APOLD1: variants seen among roughly 807,000 people sequenced by gnomAD.
The protein encoded by APOLD1 is apolipoprotein L domain containing 1.
Under a neutral mutation model 15.3 loss-of-function variants are expected in APOLD1, and 22 were observed. That is an observed-to-expected ratio of 1.44 (90% CI 1.03 to 2.05). APOLD1 has a LOEUF of 2.05. Among genes scored for constraint, APOLD1 ranks in the 30% most tolerant of loss-of-function variants. The pLI, the probability that APOLD1 is intolerant of heterozygous loss-of-function variation, is 0.00. For synonymous variants in APOLD1, 190 were observed against 167.4 expected, an observed-to-expected ratio of 1.13 and a Z score of -1.04; for missense variants, 394 against 353.5, an observed-to-expected ratio of 1.11 and a Z score of -0.92.
chr12:12,726,273 A>T (rs535780921), intron 1 of APOLD1: 166 of 718,606 alleles, frequency 2.3e-4, no homozygotes, highest in African/African-American at 1.5e-3. Context: ...ATTAAATTTT[A>T]AAAAAGTTTT....
chr12:12,786,694 A>G (rs1947127177), intron 1 of APOLD1: 1 of 985,260 alleles, frequency 1.0e-6, no homozygotes, highest in African/African-American at 1.7e-5. Context: ...ATATGCAGAG[A>G]TAAGGTCCTG....
intron 1 of APOLD1, among the ~76,000 whole-genome samples, chr12:12,774,622 T>C (rs1465306933): frequency 7.6e-6 from 1 of 131,764 alleles, no homozygotes; most frequent in African/African-American, 2.8e-5. Flanking sequence ...ACAAGGAACC[T>C]GAACAAAAAA....
At chr12:12,765,883 AAAC>A (rs1347349040) in intron 1 of APOLD1, among the ~76,000 whole-genome samples, 4 of 152,164 alleles carry the variant, frequency 2.6e-5, no homozygotes, top group Admixed American at 6.5e-5. Context: ...AACACCCAAA[AAAC>A]AACAAGAACA....
intron 1 of APOLD1, among the ~76,000 whole-genome samples, chr12:12,731,406 A>G (rs921184183): frequency 6.6e-6 from 1 of 152,240 alleles, no homozygotes; most frequent in Non-Finnish European, 1.5e-5. Context: ...CACTTGTTGA[A>G]TTTAGTGTCA....
chr12:12,785,489 T>A (rs1782573864), upstream of APOLD1: 2 of 721,146 alleles, frequency 2.8e-6, no homozygotes, highest in Non-Finnish European at 4.5e-6. Context: ...GTTTCCTAAA[T>A]ACGGGATGTG....
chr12:12,785,670 T>C lies in APOLD1; in HGVS notation c.-22T>C. The C allele has an allele frequency of 1.2e-6, 2 of 1,614,204 alleles. No homozygotes were observed. The highest frequency in any genetic ancestry group is 8.5e-7 in the Non-Finnish European group (1 of 1,180,028). On this transcript the variant is annotated 5_prime_UTR_variant, in exon 1 of 2. Coordinates refer to ENST00000356591, the MANE Select transcript of APOLD1 (RefSeq NM_030817.3). ...CCAGAAACAGCCTCAGATTTTACTT[T>C]CCTGGAGGCAGACAGAAGTGAATGG...
intron 1 of APOLD1, among the ~76,000 whole-genome samples, chr12:12,734,962 C>T (rs1257752032): frequency 6.6e-6 from 1 of 152,100 alleles, no homozygotes; most frequent in Non-Finnish European, 1.5e-5. Flanking sequence ...CATGAAGGGA[C>T]CTCAGAGCTT....
intron 1 of APOLD1, among the ~76,000 whole-genome samples, chr12:12,734,136 G>A (rs982155124): frequency 2.0e-5 from 3 of 152,144 alleles, no homozygotes; most frequent in Non-Finnish European, 2.9e-5. Flanking sequence ...GCACATAAAT[G>A]AGGTATAAAT....
At chr12:12,731,542 T>C (rs1336758267) in intron 1 of APOLD1, among the ~76,000 whole-genome samples, 1 of 152,142 alleles carries the variant, frequency 6.6e-6, no homozygotes, top group Non-Finnish European at 1.5e-5. Flanking sequence ...TATCACAGGG[T>C]TAATTTCCCC....
At chr12:12,770,135 G>C (rs769947060) in intron 1 of APOLD1, among the ~76,000 whole-genome samples, 2 of 152,090 alleles carry the variant, frequency 1.3e-5, no homozygotes, top group South Asian at 2.1e-4. Flanking sequence ...AGAGGCCGGG[G>C]GCGGTGGCTC....
intron 1 of APOLD1, among the ~76,000 whole-genome samples, chr12:12,736,656 G>C (rs1022691321): frequency 3.3e-5 from 5 of 152,210 alleles, no homozygotes; most frequent in Non-Finnish European, 7.3e-5. Flanking sequence ...CCAATAGGAC[G>C]TGGGAAAGAA....
chr12:12,772,392 CA>C (rs541066038), intron 1 of APOLD1, among the ~76,000 whole-genome samples: 426 of 152,286 alleles, frequency 2.8e-3, no homozygotes, highest in African/African-American at 9.7e-3. Flanking sequence ...GAAAGAGGGA[CA>C]TTACATAGTG....
intron 1 of APOLD1, among the ~76,000 whole-genome samples, chr12:12,742,238 G>A (rs2136373982): frequency 6.6e-6 from 1 of 152,316 alleles, no homozygotes; most frequent in South Asian, 2.1e-4. Context: ...AGGAACAATG[G>A]ATATTACTTT....
intron 1 of APOLD1, among the ~76,000 whole-genome samples, chr12:12,750,448 A>T (rs1267446783): frequency 2.0e-5 from 3 of 151,620 alleles, no homozygotes; most frequent in African/African-American, 7.3e-5. Flanking sequence ...CCACACATGT[A>T]AGATAATTTT....
At chr12:12,776,851 G>T (rs948693870) in intron 1 of APOLD1, among the ~76,000 whole-genome samples, 4 of 152,128 alleles carry the variant, frequency 2.6e-5, no homozygotes, top group African/African-American at 9.7e-5. Flanking sequence ...ACTGTTTAGT[G>T]GAATAGATTT....
In APOLD1 at chr12:12,732,858, AT is replaced by A. The variant is rs374435908; in HGVS notation, c.96+6763del. On this transcript the variant is annotated intron_variant, in intron 1 of 1. Coordinates refer to the APOLD1 transcript ENST00000326765. ...ATCAAAGTAATCACTATAATGTTAA[AT>A]ATTAGATTTTAAAAAGAACAAAAGA... Among the ~76,000 whole-genome samples the A allele has an allele frequency of 2.1e-4, 32 of 152,316 alleles. No individual in the cohort carries two copies. In the East Asian group the frequency reaches 2.3e-3, roughly 11 times the overall value.
upstream of APOLD1, among the ~76,000 whole-genome samples, chr12:12,783,772 T>C (rs1429748579): frequency 1.3e-5 from 2 of 151,864 alleles, no homozygotes; most frequent in African/African-American, 2.4e-5. Context: ...TAGCTAGGAC[T>C]ACAGGTGTGA....
chr12:12,738,161 T>C (rs1340003095), intron 1 of APOLD1, among the ~76,000 whole-genome samples: 1 of 151,286 alleles, frequency 6.6e-6, no homozygotes, highest in Non-Finnish European at 1.5e-5. Context: ...CTCCTACACA[T>C]GAGGAGAGGC....
At chr12:12,776,927 A>G (rs929155972) in intron 1 of APOLD1, among the ~76,000 whole-genome samples, 1 of 152,222 alleles carries the variant, frequency 6.6e-6, no homozygotes, top group African/African-American at 2.4e-5. Flanking sequence ...ACACATCTAT[A>G]GAAAAGTGTA....
Sources: gnomAD v4.1 joint callset for allele counts (sites outside exome capture counted in the v4.1 genomes callset) on GRCh38, gnomAD v4.1.1 for gene constraint, MANE v1.5 for transcripts, NCBI Gene and HGNC (gene_info 2026-07-23, HGNC 2026-07-21) for gene names.